Variants in PPARGC1A observed in about 807,000 individuals in gnomAD.
PPARGC1A encodes the protein PPARG coactivator 1 alpha.
PPARGC1A carries 25 observed loss-of-function variants against 88.7 expected under a neutral mutation model. The ratio of observed to expected loss-of-function variants is 0.28; its 90% CI spans 0.21 to 0.39. PPARGC1A has a LOEUF of 0.39. Ranked by LOEUF, PPARGC1A falls within the 10% of genes least tolerant of loss-of-function variation. The pLI is 1.00. For missense variants in PPARGC1A, 880 were observed against 968.7 expected, an observed-to-expected ratio of 0.91 and a Z score of 1.22; for synonymous variants, 363 against 355.6, an observed-to-expected ratio of 1.02 and a Z score of -0.24.
chr4:24,230,608 A>G, the PPARGC1A span, among the ~76,000 whole-genome samples: 1 of 152,144 alleles, frequency 6.6e-6, no homozygotes, highest in African/African-American at 2.4e-5. Flanking sequence ...TTAAACCCTG[A>G]GGACAGCAAA....
At chr4:23,979,078 A>C in the PPARGC1A span, among the ~76,000 whole-genome samples, 2 of 152,202 alleles carry the variant, frequency 1.3e-5, no homozygotes, top group African/African-American at 2.4e-5. Context: ...CTCACATTGC[A>C]TTCAAAGGAT....
chr4:24,116,704 AG>A, the PPARGC1A span, among the ~76,000 whole-genome samples: 1 of 152,202 alleles, frequency 6.6e-6, no homozygotes, highest in Admixed American at 6.5e-5. Flanking sequence ...CAAGGAACCA[AG>A]GAACACGAAG....
chr4:24,079,474 T>C, the PPARGC1A span, among the ~76,000 whole-genome samples: 1 of 143,776 alleles, frequency 7.0e-6, no homozygotes, highest in Non-Finnish European at 1.6e-5. Flanking sequence ...GGTTATTTCT[T>C]ATTTGTATGA....
At chr4:24,433,934 C>T in the PPARGC1A span, among the ~76,000 whole-genome samples, 5 of 152,286 alleles carry the variant, frequency 3.3e-5, no homozygotes, top group Middle Eastern at 6.8e-3. Context: ...CCACAAGCCT[C>T]GCTGGCCGCC....
the PPARGC1A span, among the ~76,000 whole-genome samples, chr4:24,024,733 A>G: frequency 0.21 from 32,481 of 152,206 alleles, 3,790 homozygotes; most frequent in Admixed American, 0.32. Flanking sequence ...GGCTAAGTGT[A>G]TCAAGTCATC....
the PPARGC1A span, among the ~76,000 whole-genome samples, chr4:24,422,197 C>G: frequency 1.4e-4 from 21 of 152,232 alleles, no homozygotes; most frequent in Non-Finnish European, 2.4e-4. Context: ...CACAGCAGAG[C>G]ATACAGCAGA....
chr4:24,198,556 ACT>A, the PPARGC1A span, among the ~76,000 whole-genome samples: 10 of 151,862 alleles, frequency 6.6e-5, no homozygotes, highest in African/African-American at 2.4e-4. Context: ...CAACAAGCTT[ACT>A]CTCTTTTCAG....
intron 2 of PPARGC1A, chr4:23,877,928 G>GAC (rs1715137286): frequency 6.6e-6 from 1 of 152,230 alleles, no homozygotes; most frequent in African/African-American, 2.4e-5. Context: ...TCTCCACACA[G>GAC]ACACATGGTT....
At chr4:23,854,071 T>A (rs1357736223) in intron 2 of PPARGC1A, among the ~76,000 whole-genome samples, 1 of 152,200 alleles carries the variant, frequency 6.6e-6, no homozygotes. Flanking sequence ...TATTAGCTAT[T>A]GTCTGTATTA....
chr4:24,284,982 C>G, the PPARGC1A span, among the ~76,000 whole-genome samples: 2 of 151,884 alleles, frequency 1.3e-5, no homozygotes, highest in Admixed American at 1.3e-4. Context: ...GAGCCACGAT[C>G]GGGCCACTGC....
intron 2 of PPARGC1A, among the ~76,000 whole-genome samples, chr4:23,839,483 CTG>C (rs1426481657): frequency 6.6e-6 from 1 of 152,066 alleles, no homozygotes; most frequent in African/African-American, 2.4e-5. Flanking sequence ...GAAAGAGAAA[CTG>C]GGCACTGTGG....
chr4:24,374,953 G>A, the PPARGC1A span, among the ~76,000 whole-genome samples: 4 of 150,578 alleles, frequency 2.7e-5, no homozygotes, highest in South Asian at 2.1e-4. Context: ...TGTTTATAGC[G>A]GCATTATTAG....
the PPARGC1A span, among the ~76,000 whole-genome samples, chr4:23,976,993 G>GGAGAGGAGAAGGAAAAGA: frequency 6.6e-6 from 1 of 151,812 alleles, no homozygotes; most frequent in African/African-American, 2.4e-5. Flanking sequence ...GGAGGAAGAG[G>GGAGAGGAGAAGGAAAAGA]GAGAGGAGAA....
the PPARGC1A span, among the ~76,000 whole-genome samples, chr4:24,393,705 C>T: frequency 4.2e-3 from 636 of 152,338 alleles, 10 homozygotes; most frequent in African/African-American, 0.015. Context: ...GTCGTCAGTA[C>T]CACATGCACA....
At chr4:24,060,518 CT>C in the PPARGC1A span, among the ~76,000 whole-genome samples, 11 of 152,122 alleles carry the variant, frequency 7.2e-5, no homozygotes, top group African/African-American at 2.7e-4. Context: ...TTTAAAAGTA[CT>C]TTTGTAGAAC....
chr4:24,271,523 G>T, the PPARGC1A span, among the ~76,000 whole-genome samples: 5 of 152,148 alleles, frequency 3.3e-5, no homozygotes, highest in African/African-American at 1.2e-4. Flanking sequence ...GACTACAGGC[G>T]CCGGCCACCA....
chr4:24,091,383 A>C, the PPARGC1A span: 1 of 929,284 alleles, frequency 1.1e-6, no homozygotes, highest in Non-Finnish European at 1.3e-6. Context: ...AGTTCCACAA[A>C]TTGATGTACG....
At chr4:23,991,495 G>T in the PPARGC1A span, among the ~76,000 whole-genome samples, 19 of 151,998 alleles carry the variant, frequency 1.3e-4, no homozygotes, top group Non-Finnish European at 2.4e-4. Flanking sequence ...TGCATCAGGG[G>T]AGCTTTCCCT....
the PPARGC1A span, among the ~76,000 whole-genome samples, chr4:24,394,329 G>A: frequency 6.6e-6 from 1 of 152,140 alleles, no homozygotes; most frequent in Non-Finnish European, 1.5e-5. Flanking sequence ...CCAAGGAGCT[G>A]GCTGAGAGAA....
Sources: allele counts gnomAD v4.1 joint callset (sites outside exome capture counted in the v4.1 genomes callset), GRCh38; gene constraint gnomAD v4.1.1; transcripts MANE v1.5; gene names NCBI Gene and HGNC (gene_info 2026-07-23, HGNC 2026-07-21).